The following TRPV1 variants were observed in gnomAD, a reference collection of about 807,000 sequenced individuals.
TRPV1 encodes the protein transient receptor potential cation channel subfamily V member 1.
In TRPV1, 82 loss-of-function variants were observed where a neutral mutation model predicts 82.3. That is an observed-to-expected ratio of 1.00 (90% confidence interval 0.83 to 1.20). TRPV1 has a LOEUF of 1.20. Ranked by LOEUF, TRPV1 falls within the 50% of genes most tolerant of loss-of-function variation. The pLI is 0.00. For synonymous variants in TRPV1, 515 were observed against 467.7 expected, an observed-to-expected ratio of 1.10 and a Z score of -1.30; for missense variants, 1,067 against 1,096.8, an observed-to-expected ratio of 0.97 and a Z score of 0.38.
At chr17:3,593,753 ATC>A (rs1023085957) in intron 2 of TRPV1, among the ~76,000 whole-genome samples, 15 of 152,088 alleles carry the variant, frequency 9.9e-5, no homozygotes, top group Non-Finnish European at 1.9e-4. Context: ...AGCAATTGCT[ATC>A]TGTCACTGAT....
At chr17:3,585,457 T>A in intron 9 of TRPV1, 1 of 285,460 alleles carries the variant, frequency 3.5e-6, no homozygotes, top group Non-Finnish European at 6.7e-6. Context: ...GGCCCCTGCA[T>A]GCTTTCTAAC....
rs998273021 is a variant in TRPV1 at position 3,566,244 on chromosome 17, A to C, written c.*571T>G. 1 of 151,116 alleles carries C rather than the reference A, an allele frequency of 6.6e-6. No individual in the cohort carries two copies. Among genetic ancestry groups the C allele is most frequent in the Non-Finnish European group, 1.5e-5 (1 of 67,894 alleles). 9.4% of individuals were successfully genotyped at this position (151,116 alleles called of 1,614,324 possible). A position where few individuals can be genotyped will look rare whatever the true frequency, so the allele number is the denominator to read the frequency against. ...GGAGGCTCACACCTGTAATCCCAGC[A>C]CTTTGGGAGGCCGAGGTGGGCGGAT... On this transcript the variant is annotated 3_prime_UTR_variant, in exon 17 of 17. Transcript: ENST00000572705.
chr17:3,587,951 C>A lies in TRPV1; in HGVS notation c.1224+237G>T, dbSNP rs118139994. 1.0e-3 allele frequency among the ~76,000 whole-genome samples: 157 copies of A among 152,104 alleles called. 3 individuals are homozygous for A. The East Asian group carries it at 0.024, about 23-fold the overall frequency. On this transcript the variant is annotated intron_variant, in intron 8 of 16. Coordinates refer to ENST00000572705, the MANE Select transcript of TRPV1 (RefSeq NM_080704.4). ...TTTTAAATAGTATAAAAGGAGGGTC[C>A]TTTTGTCCATGTCCCTCTGAAACGT...
chr17:3,590,641 G>A (rs547348987), intron 5 of TRPV1, among the ~76,000 whole-genome samples: 24 of 152,288 alleles, frequency 1.6e-4, no homozygotes, highest in South Asian at 8.3e-4. Context: ...AAATTGCCCC[G>A]GGGGCAAGGA....
intron 5 of TRPV1, 127 bp from the exon 6 acceptor site, chr17:3,590,519 G>GA: frequency 7.1e-7 from 1 of 1,410,178 alleles, no homozygotes; most frequent in Non-Finnish European, 9.4e-7. Context: ...GTGCCTGGAG[G>GA]ACCCCCCCAC....
At chr17:3,584,407 AAAAAAAAAATAAAAT>A (rs1183002380) in intron 9 of TRPV1, among the ~76,000 whole-genome samples, 4 of 62,390 alleles carry the variant, frequency 6.4e-5, no homozygotes, top group African/African-American at 2.8e-4. Context: ...TGTCTCAAAA[AAAAAAAAAATAAAAT>A]AAAAAAAAAA....
rs1268711813 is a variant in TRPV1 at position 3,580,421 on chromosome 17, G to A, written c.1547+36C>T. 4 of 1,611,978 alleles carry A rather than the reference G, an allele frequency of 2.5e-6. No homozygotes were observed. In the Admixed American group the frequency reaches 6.7e-5, roughly 27 times the overall value. The stretch of plus-strand genomic sequence containing the variant: ...AGTGAGAACTGATTGCGGTCACCTG[G>A]GGACTGGACTGGGAATGAGTCAAAG... On this transcript the variant is annotated intron_variant, in intron 11 of 16. Transcript: ENST00000572705.
intron 7 of TRPV1, 105 bp from the exon 8 acceptor site, chr17:3,588,472 T>G: frequency 7.4e-7 from 1 of 1,345,694 alleles, no homozygotes; most frequent in Non-Finnish European, 1.0e-6. Flanking sequence ...TGGCCCCACC[T>G]AAGCCCCAGG....
At chr17:3,579,339 CAGGA>C (rs1283849594) in intron 11 of TRPV1, among the ~76,000 whole-genome samples, 2 of 152,048 alleles carry the variant, frequency 1.3e-5, no homozygotes, top group African/African-American at 4.8e-5. Flanking sequence ...CTTGTTCTTC[CAGGA>C]AGGAAGAGAT....
intron 2 of TRPV1, among the ~76,000 whole-genome samples, chr17:3,602,621 G>A (rs930507786): frequency 2.0e-5 from 3 of 152,162 alleles, no homozygotes; most frequent in African/African-American, 4.8e-5. Flanking sequence ...TCAGGAAAGC[G>A]TCTGCGGACG....
chr17:3,572,856 G>GCA (rs2074873382), intron 14 of TRPV1, among the ~76,000 whole-genome samples: 1 of 152,076 alleles, frequency 6.6e-6, no homozygotes, highest in East Asian at 1.9e-4. Context: ...GGTGGTGGGT[G>GCA]CCTGCAATCC....
chr17:3,591,948 C>T (rs2075163375), intron 3 of TRPV1, 119 bp downstream of exon 3: 18 of 1,401,930 alleles, frequency 1.3e-5, no homozygotes, highest in Non-Finnish European at 1.6e-5. Context: ...CCAGACCACC[C>T]CTAAGGCTCT....
rs552520877 is a variant in TRPV1, at chr17:3,581,957, A to G, written c.1476+1381T>C. ...TGTAATCCCAGCACTTTGGGAGGCC[A>G]AGGTGGGCGGATCACGAGGTCAGGA... is the stretch of plus-strand genomic sequence containing the variant. On this transcript the variant is annotated intron_variant, in intron 10 of 16. Transcript: ENST00000572705. Among the ~76,000 whole-genome samples, 795 of 141,952 alleles carry G rather than the reference A, an allele frequency of 5.6e-3. 8 individuals carry two copies. Among genetic ancestry groups the G allele is most frequent in the South Asian group, 8.8e-3 (37 of 4,204 alleles). 93.1% of individuals were successfully genotyped at this position (141,952 alleles called of 152,430 possible).
chr17:3,589,978 G>T lies in TRPV1; in HGVS notation c.873C>A (p.Ala291=). Residue 291 remains alanine, a synonymous_variant, in exon 7 of 17, where the codon GCC becomes GCA. Coordinates refer to ENST00000572705, the MANE Select transcript of TRPV1 (RefSeq NM_080704.4). The stretch of plus-strand genomic sequence containing the variant: ...CCGTGTTGTCGGCCACCTCCACCAG[G>T]GCGTGCAGCACCGTGTTGCCCACCG... ...RDSVGNTVLH[A]LVEVADNTAD... is the part of the protein sequence containing the mutation. 1 of 1,561,208 alleles carries T rather than the reference G, an allele frequency of 6.4e-7. No individual in the cohort carries two copies.
In TRPV1 at chr17:3,573,901, G is replaced by C; in HGVS notation, c.1835C>G (p.Thr612Arg). ...GGCAGGCCCCCGCCACCTGTGCGAC[G>C]TGGACTCAGACGGCAGGGAGTCATT... ...GKNDSLPSESTSHRWRGPACR... is the reference protein window; with the variant it reads ...GKNDSLPSESRSHRWRGPACR... Residue 612 changes from threonine to arginine, a missense_variant, in exon 14 of 17, where the codon ACG (threonine) becomes AGG (arginine). Physicochemically the swap from Thr to Arg is moderately conservative, Grantham distance 71. Transcript: ENST00000572705. 1 of 1,610,382 alleles carries C rather than the reference G, an allele frequency of 6.2e-7. No individual in the cohort carries two copies. Among genetic ancestry groups the C allele is most frequent in the South Asian group, 1.1e-5 (1 of 90,644 alleles).
Position 3,591,239 on chromosome 17 carries a change from C to T in TRPV1, c.399G>A (p.Leu133=). 1 of 1,613,202 alleles carries T rather than the reference C, an allele frequency of 6.2e-7. No individual in the cohort carries two copies. Among genetic ancestry groups the T allele is most frequent in the Non-Finnish European group, 8.5e-7 (1 of 1,179,734 alleles). The change falls in exon 4 of 17, where the codon CTG becomes CTA. Residue 133 remains leucine, a synonymous_variant. Transcript: ENST00000572705. ...AQNNCQDLES[L]LLFLQKSKKH... is the part of the protein sequence containing the mutation. ...TCTTGCTCTTCTGCAGGAAGAGCAG[C>T]AGGCTCTCCAGATCCTGGCAGTTAT...
At chr17:3,590,770 A>C (rs1317449928) in intron 5 of TRPV1, among the ~76,000 whole-genome samples, 194 bp downstream of exon 5, 1 of 152,024 alleles carries the variant, frequency 6.6e-6, no homozygotes, top group Non-Finnish European at 1.5e-5. Context: ...GGGGAGGCAG[A>C]GACCCCCAGG....
At chr17:3,569,944 TCAGGGAGGAGGGGCCAAGG>T (rs1259693884) in intron 16 of TRPV1, among the ~76,000 whole-genome samples, 2 of 144,290 alleles carry the variant, frequency 1.4e-5, no homozygotes, top group East Asian at 2.0e-4. Context: ...GGCCAAGGGG[TCAGGGAGGAGGGGCCAAGG>T]GGTCAGGGAG....
chr17:3,569,587 G>A (rs2074819857), intron 16 of TRPV1, among the ~76,000 whole-genome samples: 1 of 152,194 alleles, frequency 6.6e-6, no homozygotes, highest in Non-Finnish European at 1.5e-5. Context: ...TTGAGTTAAA[G>A]AAGAAGAAAT....
Sources: allele counts gnomAD v4.1 joint callset (sites outside exome capture counted in the v4.1 genomes callset), GRCh38; gene constraint gnomAD v4.1.1; transcripts MANE v1.5; gene names NCBI Gene and HGNC (gene_info 2026-07-23, HGNC 2026-07-21).